MAP3K4: variants seen among roughly 807,000 people sequenced by gnomAD.
The protein encoded by MAP3K4 is MAP three kinase 1.
A neutral mutation model predicts 185.6 loss-of-function variants in MAP3K4; 67 were observed. The observed-to-expected ratio is 0.36, with a 90% CI of 0.30 to 0.44. MAP3K4 has a LOEUF of 0.44. Among genes scored for constraint, MAP3K4 ranks in the 20% least tolerant of loss-of-function variants. The probability of loss-of-function intolerance (pLI) is 1.00; values close to 1 mark genes in which losing one functional copy is unlikely to be tolerated. For missense variants in MAP3K4, 1,551 were observed against 1,995.1 expected, an observed-to-expected ratio of 0.78 and a Z score of 4.24; for synonymous variants, 702 against 710.4, an observed-to-expected ratio of 0.99 and a Z score of 0.19.
intron 1 of MAP3K4, among the ~76,000 whole-genome samples, chr6:161,002,058 T>G (rs1355520260): frequency 1.3e-5 from 2 of 151,168 alleles, no homozygotes; most frequent in Admixed American, 6.6e-5. Flanking sequence ...AGGTTTTTTT[T>G]TTTTTTTTTT....
intron 1 of MAP3K4, among the ~76,000 whole-genome samples, chr6:160,992,864 C>T (rs1266981484): frequency 1.3e-5 from 2 of 151,448 alleles, no homozygotes; most frequent in East Asian, 1.9e-4. Flanking sequence ...TGAGAATTTC[C>T]CTCTTTTTAC....
At chr6:160,993,639 C>G (rs1490936613) in intron 1 of MAP3K4, among the ~76,000 whole-genome samples, 1 of 151,902 alleles carries the variant, frequency 6.6e-6, no homozygotes, top group Non-Finnish European at 1.5e-5. Context: ...CTGTATAACC[C>G]TACTCCGGAA....
rs1784883649 is a variant in MAP3K4, at chr6:161,070,393, C to G, written c.1708-215C>G. ...AGTATTGCAATTTGGTTTTGGTTCT[C>G]ATTATGGTTTCCAGCATTCTTAGAA... On this transcript the variant is annotated intron_variant, in intron 3 of 26. Coordinates refer to ENST00000392142, the MANE Select transcript of MAP3K4 (RefSeq NM_005922.4). This position sits in a 1 kb window ranked among gnomAD's most constrained non-coding sequence, Gnocchi z 4.5. Among the ~76,000 whole-genome samples the G allele has an allele frequency of 6.6e-6, 1 of 152,114 alleles. No homozygotes were observed. The highest frequency in any genetic ancestry group is 1.5e-5 in the Non-Finnish European group (1 of 68,004).
At position 161,097,384 on chromosome 6, in the gene MAP3K4, A is replaced by G. The variant is rs1777620527; in HGVS notation, c.3524+208A>G. 6.6e-6 allele frequency among the ~76,000 whole-genome samples: 1 copy of G among 152,244 alleles called. No individual in the cohort carries two copies. On this transcript the variant is annotated intron_variant, in intron 16 of 26. Transcript: ENST00000392142. The surrounding 1 kb of genome is among the most constrained non-coding windows in gnomAD (Gnocchi z 4.9). Reference sequence around the variant, plus strand: ...TTAAAACAGACCTGTGCCTTTCAAGATAACTTCGTTTCTCAGCTTATTTAT... The same window carrying G: ...TTAAAACAGACCTGTGCCTTTCAAGGTAACTTCGTTTCTCAGCTTATTTAT...
At chr6:161,099,022 G>A (rs1392150731) in intron 17 of MAP3K4, among the ~76,000 whole-genome samples, 2 of 152,298 alleles carry the variant, frequency 1.3e-5, no homozygotes, top group South Asian at 2.1e-4. Flanking sequence ...AGTAAGGAGG[G>A]TCTTGTAGGT....
Position 161,087,220 on chromosome 6 carries a change from C to T in MAP3K4, c.2557-468C>T, listed in dbSNP as rs1239307491. Among the ~76,000 whole-genome samples the T allele has an allele frequency of 6.6e-6, 1 of 152,212 alleles. No homozygotes were observed. The highest frequency in any genetic ancestry group is 1.5e-5 in the Non-Finnish European group (1 of 68,042). On this transcript the variant is annotated intron_variant, in intron 9 of 26. Transcript: ENST00000392142. This position sits in a 1 kb window ranked among gnomAD's most constrained non-coding sequence, Gnocchi z 4.9. ...GGGAGGGATGACCTGCAGCGTGCCA[C>T]CACATGTGTACCCTTTGAGAAACTG... is the stretch of plus-strand genomic sequence containing the variant.
At position 161,034,584 on chromosome 6, in the gene MAP3K4, A is replaced by C; in HGVS notation, c.343+135A>C. ...CCTGTAAAGTTCAATTTTTTTTTGA[A>C]TTATTACCATTAGTATTAATAAAAT... On this transcript the variant is annotated intron_variant, in intron 2 of 26. Coordinates refer to ENST00000392142, the MANE Select transcript of MAP3K4 (RefSeq NM_005922.4). The surrounding 1 kb of genome is among the most constrained non-coding windows in gnomAD (Gnocchi z 4.4). The C allele has an allele frequency of 3.1e-6, 2 of 647,612 alleles. No homozygotes were observed. Among genetic ancestry groups the C allele is most frequent in the Non-Finnish European group, 5.1e-6 (2 of 391,184 alleles). 40.1% of individuals were successfully genotyped at this position (647,612 alleles called of 1,614,324 possible). A position where few individuals can be genotyped will look rare whatever the true frequency, so the allele number is the denominator to read the frequency against.
At chr6:160,993,963 C>T (rs1305456677) in intron 1 of MAP3K4, among the ~76,000 whole-genome samples, 3 of 152,226 alleles carry the variant, frequency 2.0e-5, no homozygotes, top group East Asian at 3.9e-4. Context: ...CTCGTTGTCA[C>T]CACCTGCTCT....
intron 3 of MAP3K4, among the ~76,000 whole-genome samples, chr6:161,050,229 G>A (rs1467535266): frequency 6.6e-6 from 1 of 152,160 alleles, no homozygotes; most frequent in Non-Finnish European, 1.5e-5. Flanking sequence ...AATACAGGAT[G>A]GCAAAGGACA....
At chr6:161,102,195 T>G (rs1421240214) in intron 18 of MAP3K4, among the ~76,000 whole-genome samples, 1 of 152,196 alleles carries the variant, frequency 6.6e-6, no homozygotes. Flanking sequence ...ACAGATGCCT[T>G]TTTAGCCCTG....
intron 1 of MAP3K4, among the ~76,000 whole-genome samples, chr6:161,002,789 C>T (rs1179241569): frequency 1.3e-5 from 2 of 152,004 alleles, no homozygotes; most frequent in Non-Finnish European, 2.9e-5. Context: ...GATGGAGTTT[C>T]ACCATGTTAG....
Position 161,097,289 on chromosome 6 carries a change from G to A in MAP3K4, c.3524+113G>A. The A allele has an allele frequency of 1.2e-6, 1 of 822,444 alleles. No individual in the cohort carries two copies. Among genetic ancestry groups the A allele is most frequent in the Non-Finnish European group, 1.9e-6 (1 of 514,582 alleles). 50.9% of individuals were successfully genotyped at this position (822,444 alleles called of 1,614,324 possible). The stretch of plus-strand genomic sequence containing the variant: ...GAGAGCTAAATACCTTTTCTGCATT[G>A]TTCGTACGTAAAAGCTCTTACTTGC... On this transcript the variant is annotated intron_variant, in intron 16 of 26. Transcript: ENST00000392142. This position sits in a 1 kb window ranked among gnomAD's most constrained non-coding sequence, Gnocchi z 4.9.
chr6:161,008,132 A>G lies in MAP3K4; in HGVS notation c.152+16049A>G, dbSNP rs1781682550. On this transcript the variant is annotated intron_variant, in intron 1 of 26. Transcript: ENST00000392142. This position sits in a 1 kb window ranked among gnomAD's most constrained non-coding sequence, Gnocchi z 4.1. ...GCAGTGATGATATTTATTATATAATATTTGATATAACTTCAGTCTACCAGT... is the reference window on the plus strand; with the variant it reads ...GCAGTGATGATATTTATTATATAATGTTTGATATAACTTCAGTCTACCAGT... Among the ~76,000 whole-genome samples, 1 of 152,172 alleles carries G rather than the reference A, an allele frequency of 6.6e-6. No homozygotes were observed. The highest frequency in any genetic ancestry group is 6.5e-5 in the Admixed American group (1 of 15,282).
At chr6:161,003,411 G>C (rs1781423121) in intron 1 of MAP3K4, among the ~76,000 whole-genome samples, 1 of 152,202 alleles carries the variant, frequency 6.6e-6, no homozygotes, top group Non-Finnish European at 1.5e-5. Context: ...TCAGTCCTGT[G>C]TAATTCTTTT....
chr6:161,111,343 T>A (rs964453619), intron 23 of MAP3K4, among the ~76,000 whole-genome samples: 1 of 152,232 alleles, frequency 6.6e-6, no homozygotes, highest in Non-Finnish European at 1.5e-5. Context: ...GCATATATGT[T>A]GCTTGTAGGA....
intron 2 of MAP3K4, among the ~76,000 whole-genome samples, chr6:161,035,010 T>C (rs1783098633): frequency 6.6e-6 from 1 of 152,174 alleles, no homozygotes; most frequent in Non-Finnish European, 1.5e-5. Flanking sequence ...AAAGTCCACA[T>C]ATTGCTCTAT....
rs1165556590 is a variant in MAP3K4, at chr6:161,043,354, G to GC, written c.344-5258dup. ...CTTATTTAAGCTTCCATTCTTCGAG[G>GC]CCCCAAATCAAGTACTTGCTTTTAC... is the stretch of plus-strand genomic sequence containing the variant. On this transcript the variant is annotated intron_variant, in intron 2 of 26. Transcript: ENST00000392142. The surrounding 1 kb of genome is among the most constrained non-coding windows in gnomAD (Gnocchi z 4.3). Among the ~76,000 whole-genome samples, 1 of 152,030 alleles carries GC rather than the reference G, an allele frequency of 6.6e-6. No individual in the cohort carries two copies. Among genetic ancestry groups the GC allele is most frequent in the African/African-American group, 2.4e-5 (1 of 41,406 alleles).
rs1183819548 is a variant in MAP3K4 at position 161,115,716 on chromosome 6, AAT to A, written c.4806+415_4806+416del. Among the ~76,000 whole-genome samples the A allele has an allele frequency of 3.9e-5, 6 of 152,198 alleles. No individual in the cohort carries two copies. Among genetic ancestry groups the A allele is most frequent in the Admixed American group, 1.3e-4 (2 of 15,286 alleles). ...CCAATCTCAGTTCTTTTTTCTCTAGAATGAGGTACCTTAGTTGTTTAAGAGCC... is the reference window on the plus strand; with the variant it reads ...CCAATCTCAGTTCTTTTTTCTCTAGAGAGGTACCTTAGTTGTTTAAGAGCC... On this transcript the variant is annotated intron_variant, in intron 26 of 26. Coordinates refer to ENST00000392142, the MANE Select transcript of MAP3K4 (RefSeq NM_005922.4). This position sits in a 1 kb window ranked among gnomAD's most constrained non-coding sequence, Gnocchi z 6.0.
At chr6:160,998,583 T>C (rs1781114521) in intron 1 of MAP3K4, among the ~76,000 whole-genome samples, 1 of 152,250 alleles carries the variant, frequency 6.6e-6, no homozygotes, top group African/African-American at 2.4e-5. Context: ...GAGCTGGCTG[T>C]AGCAAGCTGC....
Sources: gnomAD v4.1 joint callset for allele counts (sites outside exome capture counted in the v4.1 genomes callset) on GRCh38, gnomAD v4.1.1 for gene constraint, Gnocchi (gnomAD v3.1) non-coding constraint, MANE v1.5 for transcripts, NCBI Gene and HGNC (gene_info 2026-07-23, HGNC 2026-07-21) for gene names.